The following TAS1R1 variants were observed in gnomAD, a reference collection of about 807,000 sequenced individuals.
The protein encoded by TAS1R1 is taste receptor type 1 member 1.
TAS1R1 carries 31 observed loss-of-function variants against 45.8 expected under a neutral mutation model. That is an observed-to-expected ratio of 0.68 (90% CI 0.51 to 0.91). TAS1R1 has a LOEUF of 0.91. Ranked by LOEUF, TAS1R1 falls within the 40% of genes least tolerant of loss-of-function variation. The pLI is 0.00. For synonymous variants in TAS1R1, 437 were observed against 448.4 expected, an observed-to-expected ratio of 0.97 and a Z score of 0.32; for missense variants, 1,051 against 1,063.9, an observed-to-expected ratio of 0.99 and a Z score of 0.17.
rs962377561 is a variant in TAS1R1, at chr1:6,573,812, G to A, written c.499-819G>A. 8.6e-5 allele frequency among the ~76,000 whole-genome samples: 13 copies of A among 151,734 alleles called. 1 individual carries two copies. The highest frequency in any genetic ancestry group is 7.2e-4 in the Admixed American group (11 of 15,230). ...CGTGTAGCTGGGACTACAGGCGCGC[G>A]CCACCATGCCCGGCTAATTTTTTTG... is the stretch of plus-strand genomic sequence containing the variant. On this transcript the variant is annotated intron_variant, in intron 2 of 5. Coordinates refer to ENST00000333172, the MANE Select transcript of TAS1R1 (RefSeq NM_138697.4).
At chr1:6,576,735 C>T (rs900277957) in intron 4 of TAS1R1, 108 bp downstream of exon 4, 269 of 1,405,486 alleles carry the variant, frequency 1.9e-4, no homozygotes, top group Non-Finnish European at 2.6e-4. Context: ...CCCAGGGGTC[C>T]AGCTGCCACC....
At position 6,578,947 on chromosome 1, in the gene TAS1R1, C is replaced by T. The variant is rs983399497; in HGVS notation, c.1889C>T (p.Ala630Val). The T allele has an allele frequency of 9.3e-6, 15 of 1,613,906 alleles. No homozygotes were observed. Among genetic ancestry groups the T allele is most frequent in the African/African-American group, 1.3e-5 (1 of 74,942 alleles). The change falls in exon 6 of 6, where the codon GCG becomes GTG. Residue 630 changes from alanine to valine, a missense_variant. Coordinates refer to ENST00000333172, the MANE Select transcript of TAS1R1 (RefSeq NM_138697.4). Reference protein sequence around the residue: ...YGFFGEPTRPACLLRQALFAL... With the variant: ...YGFFGEPTRPVCLLRQALFAL... ...TTCTTTGGGGAACCCACAAGGCCTG[C>T]GTGCTTGCTACGCCAGGCCCTCTTT...
Position 6,555,358 on chromosome 1 carries a change from C to T in TAS1R1, c.-16C>T, listed in dbSNP as rs766717286. 6.4e-7 allele frequency: 1 copy of T among 1,563,004 alleles called. No individual in the cohort carries two copies. The highest frequency in any genetic ancestry group is 8.7e-7 in the Non-Finnish European group (1 of 1,151,116). Reference sequence around the variant, plus strand: ...GGCCACTCCTTGGCCATGCCAGGCGCGGGCATCTGGCCAGCATGCTGCTCT... The same window carrying T: ...GGCCACTCCTTGGCCATGCCAGGCGTGGGCATCTGGCCAGCATGCTGCTCT... On this transcript the variant is annotated 5_prime_UTR_variant, in exon 1 of 6. Coordinates refer to ENST00000333172, the MANE Select transcript of TAS1R1 (RefSeq NM_138697.4).
chr1:6,566,920 G>C (rs1156984609), intron 1 of TAS1R1, among the ~76,000 whole-genome samples: 1 of 152,178 alleles, frequency 6.6e-6, no homozygotes, highest in Non-Finnish European at 1.5e-5. Context: ...ATGGGGTCAT[G>C]ATGAGCAGTT....
chr1:6,579,101 G>A lies in TAS1R1; in HGVS notation c.2043G>A (p.Leu681=). 1 of 1,614,216 alleles carries A rather than the reference G, an allele frequency of 6.2e-7. No homozygotes were observed. The change falls in exon 6 of 6, where the codon CTG becomes CTA. Residue 681 remains leucine, a synonymous_variant. Coordinates refer to ENST00000333172, the MANE Select transcript of TAS1R1 (RefSeq NM_138697.4). The part of the protein sequence containing the change: ...HAWVQNHGAG[L]FVMISSAAQL... Reference sequence around the variant, plus strand: ...GGGTCCAAAACCACGGTGCTGGCCTGTTTGTGATGATCAGCTCAGCGGCCC... The same window carrying A: ...GGGTCCAAAACCACGGTGCTGGCCTATTTGTGATGATCAGCTCAGCGGCCC...
At chr1:6,576,367 G>A (rs1640171760) in intron 3 of TAS1R1, 48 bp from the exon 4 acceptor site, 2 of 1,592,768 alleles carry the variant, frequency 1.3e-6, no homozygotes, top group African/African-American at 1.3e-5. Context: ...CTGGGACCAT[G>A]TGGGTCTGTG....
chr1:6,569,183 A>G (rs1396773067), intron 1 of TAS1R1, among the ~76,000 whole-genome samples: 2 of 152,026 alleles, frequency 1.3e-5, no homozygotes, highest in Admixed American at 6.6e-5. Context: ...ATGGAGGACC[A>G]TGATGGTGGC....
At chr1:6,565,042 C>T (rs1051644516) in intron 1 of TAS1R1, among the ~76,000 whole-genome samples, 8 of 151,762 alleles carry the variant, frequency 5.3e-5, no homozygotes, top group Non-Finnish European at 2.9e-5. Context: ...ACAGGGGGCA[C>T]GCACCGATAT....
intron 1 of TAS1R1, among the ~76,000 whole-genome samples, chr1:6,557,698 C>A (rs1639709979): frequency 6.6e-6 from 1 of 152,168 alleles, no homozygotes; most frequent in Admixed American, 6.5e-5. Context: ...GGGCCTCCCA[C>A]AGCATTGGGA....
At chr1:6,557,386 G>C (rs1173777920) in intron 1 of TAS1R1, among the ~76,000 whole-genome samples, 9 of 152,136 alleles carry the variant, frequency 5.9e-5, no homozygotes, top group Non-Finnish European at 1.0e-4. Flanking sequence ...CAAGCAAGAG[G>C]CTGGAAAATG....
rs754319136 is a variant in TAS1R1 at position 6,574,806 on chromosome 1, T to C, written c.674T>C (p.Val225Ala). The C allele has an allele frequency of 2.5e-6, 4 of 1,614,066 alleles. No homozygotes were observed. In the African/African-American group the frequency reaches 4.0e-5, roughly 16 times the overall value. The change falls in exon 3 of 6, where the codon GTG becomes GCG. Residue 225 changes from valine (V) to alanine (A), a missense_variant. Val to Ala is a moderately conservative substitution (Grantham distance 64, BLOSUM62 0). Coordinates refer to ENST00000333172, the MANE Select transcript of TAS1R1 (RefSeq NM_138697.4). The surrounding 1 kb of genome is among the most constrained non-coding windows in gnomAD (Gnocchi z 4.3). ...GSSDDYGQLGVQALENQATGQ... is the reference protein window; with the variant it reads ...GSSDDYGQLGAQALENQATGQ... ...AGTGACGACTATGGGCAGCTAGGGG[T>C]GCAGGCACTGGAGAACCAGGCCACT...
At chr1:6,562,035 A>T (rs1372272226) in intron 1 of TAS1R1, among the ~76,000 whole-genome samples, 2 of 152,218 alleles carry the variant, frequency 1.3e-5, no homozygotes, top group Non-Finnish European at 2.9e-5. Flanking sequence ...GGTTGAAAGG[A>T]AGCACTGTAT....
Position 6,579,648 on chromosome 1 carries a change from C to A in TAS1R1, c.*64C>A. On this transcript the variant is annotated 3_prime_UTR_variant, in exon 6 of 6. Transcript: ENST00000333172. ...CCTGAGGGTCGAAGGTCGAGCAGGC[C>A]GGGGGTGTCCGGGAGGTCTTTGGGC... 1 of 1,528,114 alleles carries A rather than the reference C, an allele frequency of 6.5e-7. No individual in the cohort carries two copies. The highest frequency in any genetic ancestry group is 1.3e-5 in the South Asian group (1 of 79,228). The allele number at this position is 1,528,114 out of a possible 1,614,324, so 94.7% of individuals were successfully genotyped here.
chr1:6,579,064 T>G lies in TAS1R1; in HGVS notation c.2006T>G (p.Phe669Cys). Reference sequence around the variant, plus strand: ...AAGTTTTCCACCAAGGTACCTACATTCTACCACGCCTGGGTCCAAAACCAC... The same window carrying G: ...AAGTTTTCCACCAAGGTACCTACATGCTACCACGCCTGGGTCCAAAACCAC... Reference protein sequence around the residue: ...IFKFSTKVPTFYHAWVQNHGA... With the variant: ...IFKFSTKVPTCYHAWVQNHGA... Residue 669 changes from phenylalanine to cysteine, a missense_variant, in exon 6 of 6, where the codon TTC becomes TGC. Coordinates refer to ENST00000333172, the MANE Select transcript of TAS1R1 (RefSeq NM_138697.4). 6.2e-7 allele frequency: 1 copy of G among 1,613,330 alleles called. No homozygotes were observed. The highest frequency in any genetic ancestry group is 2.2e-5 in the East Asian group (1 of 44,838).
At chr1:6,569,654 A>T (rs977944921) in intron 1 of TAS1R1, among the ~76,000 whole-genome samples, 2 of 152,104 alleles carry the variant, frequency 1.3e-5, no homozygotes, top group Non-Finnish European at 2.9e-5. Context: ...CTGCCGGTCA[A>T]CAAGGATGGT....
rs746144983 is a variant in TAS1R1, at chr1:6,578,668, A to G, written c.1610A>G (p.Gln537Arg). ...FLNKSDLYRC[Q>R]PCGKEEWAPE... ...TCCCTTTCAGACCTCTACAGATGCC[A>G]GCCTTGTGGGAAAGAAGAGTGGGCA... is the stretch of plus-strand genomic sequence containing the variant. Residue 537 changes from glutamine to arginine, a missense_variant, in exon 6 of 6, where the codon CAG becomes CGG. Transcript: ENST00000333172. The G allele has an allele frequency of 1.9e-6, 3 of 1,582,900 alleles. No homozygotes were observed. The highest frequency in any genetic ancestry group is 2.3e-5 in the South Asian group (2 of 86,302).
At chr1:6,557,290 C>T (rs1212750944) in intron 1 of TAS1R1, among the ~76,000 whole-genome samples, 6 of 152,044 alleles carry the variant, frequency 3.9e-5, no homozygotes, top group Non-Finnish European at 5.9e-5. Flanking sequence ...CTTCAGATAC[C>T]TGAAGAATTG....
In TAS1R1 at chr1:6,578,644, C is replaced by A. The variant is rs1163515202; in HGVS notation, c.1595-9C>A. The A allele has an allele frequency of 1.9e-6, 3 of 1,541,162 alleles. No homozygotes were observed. The African/African-American group carries it at 4.1e-5, about 21-fold the overall frequency. On this transcript the variant is annotated splice_polypyrimidine_tract_variant and intron_variant, in intron 5 of 5. Coordinates refer to ENST00000333172, the MANE Select transcript of TAS1R1 (RefSeq NM_138697.4). ...GGCTCTCAGGAACCTTCTTGGCCTTCCCTTTCAGACCTCTACAGATGCCAG... is the reference window on the plus strand; with the variant it reads ...GGCTCTCAGGAACCTTCTTGGCCTTACCTTTCAGACCTCTACAGATGCCAG...
Position 6,576,448 on chromosome 1 carries a change from C to T in TAS1R1, c.1294C>T (p.Leu432=). 1 of 1,614,228 alleles carries T rather than the reference C, an allele frequency of 6.2e-7. No individual in the cohort carries two copies. The highest frequency in any genetic ancestry group is 8.5e-7 in the Non-Finnish European group (1 of 1,180,038). Residue 432 remains leucine, a synonymous_variant, in exon 4 of 6, where the codon CTA becomes TTA. Coordinates refer to ENST00000333172, the MANE Select transcript of TAS1R1 (RefSeq NM_138697.4). The stretch of plus-strand genomic sequence containing the variant: ...GCAGATCCACAAGGTGCATTTCCTT[C>T]TACACAAGGACACTGTGGCGTTTAA... ...LEQIHKVHFL[L]HKDTVAFNDN... is the part of the protein sequence containing the mutation.
Sources: gnomAD v4.1 joint callset for allele counts (sites outside exome capture counted in the v4.1 genomes callset) on GRCh38, gnomAD v4.1.1 for gene constraint, Gnocchi (gnomAD v3.1) non-coding constraint, MANE v1.5 for transcripts, NCBI Gene and HGNC (gene_info 2026-07-23, HGNC 2026-07-21) for gene names.